Variants in CLCN1 observed in about 807,000 individuals in gnomAD.
CLCN1 encodes the protein chloride voltage-gated channel 1.
A neutral mutation model predicts 114.5 loss-of-function variants in CLCN1; 100 were observed. That is an observed-to-expected ratio of 0.87 (90% confidence interval 0.74 to 1.03). The LOEUF is 1.03. CLCN1 is among the 50% of genes least tolerant of loss of function. The probability of loss-of-function intolerance (pLI) is 0.00; values close to 1 mark genes in which losing one functional copy is unlikely to be tolerated. For missense variants in CLCN1, 1,188 were observed against 1,250.0 expected, an observed-to-expected ratio of 0.95 and a Z score of 0.75; for synonymous variants, 485 against 487.1, an observed-to-expected ratio of 1.00 and a Z score of 0.06.
intron 12 of CLCN1, among the ~76,000 whole-genome samples, chr7:143,335,895 C>T (rs1394195381): frequency 6.6e-6 from 1 of 152,068 alleles, no homozygotes; most frequent in Non-Finnish European, 1.5e-5. Flanking sequence ...CTCCTTGCCT[C>T]ATGATCTGCC....
At chr7:143,331,185 G>C (rs1399413947) in intron 8 of CLCN1, 47 bp from the exon 9 acceptor site, 1 of 1,357,110 alleles carries the variant, frequency 7.4e-7, no homozygotes, top group Non-Finnish European at 1.1e-6. Flanking sequence ...TTCCCTGTTG[G>C]GTTTCTACGA....
rs780528876 is a variant in CLCN1 at position 143,316,195 on chromosome 7, G to A, written c.-18G>A. ...GGCAAGCAGGCCAAGGCCTGGCCGG[G>A]GCTCGGGGGGAGGGAATATGGAGCA... On this transcript the variant is annotated 5_prime_UTR_variant, in exon 1 of 23. Coordinates refer to ENST00000343257, the MANE Select transcript of CLCN1 (RefSeq NM_000083.3). 1.9e-6 allele frequency: 3 copies of A among 1,607,504 alleles called. No individual in the cohort carries two copies. In the Admixed American group the frequency reaches 5.0e-5, roughly 27 times the overall value.
intron 7 of CLCN1, among the ~76,000 whole-genome samples, chr7:143,325,680 G>A (rs1000218341): frequency 6.6e-6 from 1 of 152,116 alleles, no homozygotes; most frequent in African/African-American, 2.4e-5. Flanking sequence ...TTTTAGACTG[G>A]GAGACTTCTG....
chr7:143,341,848 T>G, intron 14 of CLCN1, 81 bp from the exon 15 acceptor site: 1 of 1,100,738 alleles, frequency 9.1e-7, no homozygotes, highest in Non-Finnish European at 1.4e-6. Context: ...TCATTCCGTG[T>G]TATTCCCATC....
Position 143,324,267 on chromosome 7 carries a change from G to A in CLCN1, c.775-147G>A. ...AAACTCACTGAGTTTCTCTTGGCCT[G>A]GGAATCACAGGGGACATGGGACCAC... On this transcript the variant is annotated intron_variant, in intron 6 of 22. Transcript: ENST00000343257. The surrounding 1 kb of genome is among the most constrained non-coding windows in gnomAD (Gnocchi z 4.6). 2.8e-6 allele frequency: 2 copies of A among 716,370 alleles called. No individual in the cohort carries two copies. The highest frequency in any genetic ancestry group is 5.2e-6 in the Non-Finnish European group (2 of 386,534). The allele number at this position is 716,370 out of a possible 1,614,324, so 44.4% of individuals were successfully genotyped here.
In CLCN1 at chr7:143,350,573, T is replaced by C. The variant is rs754357059; in HGVS notation, c.2514T>C (p.His838=). The change falls in exon 22 of 23, where the codon CAT becomes CAC. Residue 838 remains histidine (H), a synonymous_variant. Transcript: ENST00000343257. The surrounding 1 kb of genome is among the most constrained non-coding windows in gnomAD (Gnocchi z 5.1). The part of the protein sequence containing the change: ...LVEQTTLHKT[H]TLFSLLGLHL... ...CCTGTGCTCTTCATCCTCAGACTCA[T>C]ACCCTGTTTTCACTCCTTGGCCTCC... 5 of 1,614,070 alleles carry C rather than the reference T, an allele frequency of 3.1e-6. No homozygotes were observed. Among genetic ancestry groups the C allele is most frequent in the Non-Finnish European group, 4.2e-6 (5 of 1,179,952 alleles).
chr7:143,341,807 T>G, intron 14 of CLCN1, 122 bp from the exon 15 acceptor site: 11 of 756,720 alleles, frequency 1.5e-5, no homozygotes, highest in Non-Finnish European at 2.6e-5. Flanking sequence ...CAAGTCATTA[T>G]GAGTATTGGC....
rs117168787 is a variant in CLCN1 at position 143,343,205 on chromosome 7, T to C, written c.1930+700T>C. On this transcript the variant is annotated intron_variant, in intron 16 of 22. Coordinates refer to ENST00000343257, the MANE Select transcript of CLCN1 (RefSeq NM_000083.3). ...AACAGCACTATAACCCTTGCCTGAA[T>C]TAAGCTTACTTAACACACATATTTT... Among the ~76,000 whole-genome samples the C allele has an allele frequency of 4.9e-4, 75 of 152,342 alleles. 1 individual carries two copies. In the East Asian group the frequency reaches 0.013, roughly 26 times the overall value.
chr7:143,340,633 A>G, intron 14 of CLCN1, among the ~76,000 whole-genome samples: 1 of 152,052 alleles, frequency 6.6e-6, no homozygotes, highest in Non-Finnish European at 1.5e-5. Flanking sequence ...CCTGGGCTCA[A>G]GTGATTCTCC....
chr7:143,345,818 C>A, intron 17 of CLCN1, 56 bp downstream of exon 17: 1 of 1,517,890 alleles, frequency 6.6e-7, no homozygotes, highest in East Asian at 2.4e-5. Flanking sequence ...AAGGGAAAAG[C>A]GTCGTCTGGG....
intron 20 of CLCN1, among the ~76,000 whole-genome samples, chr7:143,348,548 C>T (rs1032865713): frequency 6.6e-6 from 1 of 152,028 alleles, no homozygotes; most frequent in African/African-American, 2.4e-5. Context: ...CCCACTGAGA[C>T]ATTTTAGAGG....
chr7:143,322,275 G>A (rs779566560), intron 5 of CLCN1, among the ~76,000 whole-genome samples: 12 of 152,194 alleles, frequency 7.9e-5, no homozygotes, highest in Non-Finnish European at 1.8e-4. Context: ...CTGTCTTAGA[G>A]ATCATCCAGA....
rs746691295 is a variant in CLCN1, at chr7:143,323,375, G to T, written c.763G>T (p.Gly255Trp). 4.3e-6 allele frequency: 7 copies of T among 1,612,344 alleles called. No homozygotes were observed. The highest frequency in any genetic ancestry group is 2.2e-5 in the South Asian group (2 of 91,048). The change falls in exon 6 of 23, where the codon GGG becomes TGG. Residue 255 changes from glycine to tryptophan, a missense_variant. Gly to Trp is a radical substitution (Grantham distance 184). Coordinates refer to ENST00000343257, the MANE Select transcript of CLCN1 (RefSeq NM_000083.3). Reference protein sequence around the residue: ...VLSKFMSVFCGVYEQPYYYSD... With the variant: ...VLSKFMSVFCWVYEQPYYYSD... ...CAGCAAATTCATGTCTGTGTTCTGC[G>T]GGGTATATGAGGTAAGGTTGAGACA... is the stretch of plus-strand genomic sequence containing the variant.
At chr7:143,336,374 C>T (rs144740077) in intron 12 of CLCN1, among the ~76,000 whole-genome samples, 2,561 of 151,010 alleles carry the variant, frequency 0.017, 80 homozygotes, top group African/African-American at 0.06. Context: ...CTTTGGGAGG[C>T]CAAAGCAGGC....
In CLCN1 at chr7:143,332,734, G is replaced by C; in HGVS notation, c.1262G>C (p.Arg421Pro). The C allele has an allele frequency of 1.2e-6, 2 of 1,614,094 alleles. No individual in the cohort carries two copies. Among genetic ancestry groups the C allele is most frequent in the South Asian group, 1.1e-5 (1 of 91,078 alleles). ...GQFMAGELMP[R>P]EAISTLFDNN... Reference sequence around the variant, plus strand: ...TTCTTCCTCTCCCAGTTGATGCCCCGCGAAGCCATCAGTACTTTGTTTGAC... The same window carrying C: ...TTCTTCCTCTCCCAGTTGATGCCCCCCGAAGCCATCAGTACTTTGTTTGAC... The change falls in exon 12 of 23, where the codon CGC becomes CCC. Residue 421 changes from arginine (R) to proline (P), a missense_variant. By Grantham distance (103) the Arg-to-Pro change is moderately radical. Coordinates refer to ENST00000343257, the MANE Select transcript of CLCN1 (RefSeq NM_000083.3).
In CLCN1 at chr7:143,324,958, A is replaced by G. The variant is rs1802539835; in HGVS notation, c.853+466A>G. Among the ~76,000 whole-genome samples the G allele has an allele frequency of 1.3e-5, 2 of 152,222 alleles. No individual in the cohort carries two copies. Among genetic ancestry groups the G allele is most frequent in the African/African-American group, 4.8e-5 (2 of 41,460 alleles). Reference sequence around the variant, plus strand: ...TTGCATGGGAATTCAGGTAGACCTTATTTAGATTAATGGTAAGCTTTTAGT... The same window carrying G: ...TTGCATGGGAATTCAGGTAGACCTTGTTTAGATTAATGGTAAGCTTTTAGT... On this transcript the variant is annotated intron_variant, in intron 7 of 22. Coordinates refer to ENST00000343257, the MANE Select transcript of CLCN1 (RefSeq NM_000083.3). The surrounding 1 kb of genome is among the most constrained non-coding windows in gnomAD (Gnocchi z 4.6).
intron 7 of CLCN1, among the ~76,000 whole-genome samples, chr7:143,325,961 T>G (rs1263015403): frequency 1.3e-5 from 2 of 152,226 alleles, no homozygotes; most frequent in African/African-American, 4.8e-5. Flanking sequence ...GCTGTTTGTA[T>G]TATGTGGTAA....
intron 14 of CLCN1, among the ~76,000 whole-genome samples, chr7:143,340,426 C>T (rs2116866446): frequency 6.6e-6 from 1 of 152,284 alleles, no homozygotes; most frequent in Admixed American, 6.5e-5. Context: ...ATGTTATATG[C>T]AATATCCAAT....
At chr7:143,330,927 T>C (rs1802705293) in intron 8 of CLCN1, 30 bp downstream of exon 8, 4 of 1,613,994 alleles carry the variant, frequency 2.5e-6, no homozygotes, top group Middle Eastern at 1.7e-4. Flanking sequence ...GTGGAGGCCA[T>C]GTGAAATAGA....
Sources: allele counts gnomAD v4.1 joint callset (sites outside exome capture counted in the v4.1 genomes callset), GRCh38; gene constraint gnomAD v4.1.1; non-coding constraint Gnocchi (gnomAD v3.1); transcripts MANE v1.5; gene names NCBI Gene and HGNC (gene_info 2026-07-23, HGNC 2026-07-21).